CPNE4: variants seen among roughly 807,000 people sequenced by gnomAD.
CPNE4 encodes the protein copine 4, also known as copine-4.
CPNE4 carries 25 observed loss-of-function variants against 67.9 expected under a neutral mutation model. That is an observed-to-expected ratio of 0.37 (90% CI 0.27 to 0.51). CPNE4 has a LOEUF of 0.51. Ranked by LOEUF, CPNE4 falls within the 20% of genes least tolerant of loss-of-function variation. The pLI is 0.93. For missense variants in CPNE4, 464 were observed against 690.8 expected (o/e 0.67, Z 3.68); for synonymous variants, 242 against 244.9 (o/e 0.99, Z 0.11).
chr3:131,547,249 G>T (rs1466174545), intron 14 of CPNE4, among the ~76,000 whole-genome samples: 1 of 151,852 alleles, frequency 6.6e-6, no homozygotes, highest in East Asian at 1.9e-4. Flanking sequence ...GAGCCCAGGA[G>T]TTTGAGACCA....
chr3:131,603,451 T>A (rs1939321801), intron 7 of CPNE4, among the ~76,000 whole-genome samples: 1 of 152,202 alleles, frequency 6.6e-6, no homozygotes. Context: ...ATGGATTTTT[T>A]ATGCAAGAAT....
intron 2 of CPNE4, among the ~76,000 whole-genome samples, chr3:131,806,790 C>T (rs934820193): frequency 3.9e-5 from 6 of 152,090 alleles, no homozygotes; most frequent in African/African-American, 1.2e-4. Context: ...CTCTGGAGAA[C>T]GAGGTGGTAG....
At chr3:131,840,434 C>T (rs2085730809) in intron 2 of CPNE4, among the ~76,000 whole-genome samples, 1 of 152,148 alleles carries the variant, frequency 6.6e-6, no homozygotes, top group African/African-American at 2.4e-5. Context: ...TTTAATTCTA[C>T]AGTTTGATTT....
At chr3:132,027,850 T>G (rs2074148881) in intron 1 of CPNE4, among the ~76,000 whole-genome samples, 1 of 152,170 alleles carries the variant, frequency 6.6e-6, no homozygotes, top group Non-Finnish European at 1.5e-5. Context: ...AGTATTGTTT[T>G]GGGCCATTCT....
chr3:132,012,641 G>A (rs1388183698), intron 1 of CPNE4, among the ~76,000 whole-genome samples: 2 of 152,096 alleles, frequency 1.3e-5, no homozygotes, highest in East Asian at 3.9e-4. Flanking sequence ...AGGTAAGATG[G>A]CAATGGTGGG....
rs372280366 is a variant in CPNE4, at chr3:131,592,899, T to C, written c.682-5317A>G. ...TCCCTGGGGTCTTCAGCTCTGTCTG[T>C]AGAATGCATGGATAAGTGGGTCTGA... is the stretch of plus-strand genomic sequence containing the variant. On this transcript the variant is annotated intron_variant, in intron 7 of 15. Transcript: ENST00000429747. Among the ~76,000 whole-genome samples, 11 of 152,324 alleles carry C rather than the reference T, an allele frequency of 7.2e-5. No individual in the cohort carries two copies. The East Asian group carries it at 1.2e-3, about 16-fold the overall frequency.
chr3:131,636,965 G>A lies in CPNE4; in HGVS notation c.681+32710C>T, dbSNP rs558118073. Reference sequence around the variant, plus strand: ...ACAATCACTACAGTTCAGCTCTCAGGAAGCTCCATTCCTAGGGGAAAAGGG... The same window carrying A: ...ACAATCACTACAGTTCAGCTCTCAGAAAGCTCCATTCCTAGGGGAAAAGGG... On this transcript the variant is annotated intron_variant, in intron 7 of 15. Coordinates refer to ENST00000429747, the MANE Select transcript of CPNE4 (RefSeq NM_130808.3). Among the ~76,000 whole-genome samples the A allele has an allele frequency of 3.3e-5, 5 of 152,316 alleles. No individual in the cohort carries two copies. The South Asian group carries it at 8.3e-4, about 25-fold the overall frequency.
intron 2 of CPNE4, among the ~76,000 whole-genome samples, chr3:131,840,184 A>G (rs530793483): frequency 5.0e-4 from 76 of 152,302 alleles, no homozygotes; most frequent in African/African-American, 1.6e-3. Flanking sequence ...CTCCAAGTTC[A>G]GCTGATTTTC....
intron 1 of CPNE4, among the ~76,000 whole-genome samples, chr3:132,023,677 C>G (rs2074053412): frequency 6.6e-6 from 1 of 151,904 alleles, no homozygotes; most frequent in Non-Finnish European, 1.5e-5. Context: ...TTAGTAGAGA[C>G]GGGGTTTCAC....
chr3:131,678,199 G>A (rs2080637914), intron 6 of CPNE4, among the ~76,000 whole-genome samples: 1 of 151,876 alleles, frequency 6.6e-6, no homozygotes, highest in Non-Finnish European at 1.5e-5. Flanking sequence ...AGTAGCAATT[G>A]TGAATGGGAG....
chr3:131,627,505 A>C (rs1410152942), intron 7 of CPNE4, among the ~76,000 whole-genome samples: 1 of 142,318 alleles, frequency 7.0e-6, no homozygotes, highest in African/African-American at 3.0e-5. Context: ...TCAAGGTGTA[A>C]TTTTGACTTT....
intron 15 of CPNE4, 85 bp from the exon 16 acceptor site, chr3:131,535,414 C>G: frequency 7.2e-7 from 1 of 1,380,670 alleles, no homozygotes; most frequent in Non-Finnish European, 9.7e-7. Context: ...CTGCTCTGGG[C>G]AGCTAAGTTT....
intron 3 of CPNE4, among the ~76,000 whole-genome samples, chr3:131,710,353 A>G (rs559258926): frequency 1.3e-5 from 2 of 152,246 alleles, no homozygotes; most frequent in East Asian, 1.9e-4. Context: ...TTGCAGATAG[A>G]TGTTACAGGT....
intron 10 of CPNE4, among the ~76,000 whole-genome samples, chr3:131,567,646 A>C (rs1937126881): frequency 6.6e-6 from 1 of 151,924 alleles, no homozygotes; most frequent in African/African-American, 2.4e-5. Context: ...TAATTTTCTT[A>C]TGCTTAACTA....
intron 15 of CPNE4, 112 bp downstream of exon 15, chr3:131,542,445 G>T: frequency 3.8e-6 from 3 of 784,180 alleles, no homozygotes; most frequent in Non-Finnish European, 6.7e-6. Flanking sequence ...AGCATAGCTG[G>T]TGTTGCTTCA....
At chr3:131,785,904 G>A (rs903667652) in intron 2 of CPNE4, among the ~76,000 whole-genome samples, 5 of 152,160 alleles carry the variant, frequency 3.3e-5, no homozygotes, top group South Asian at 2.1e-4. Context: ...GGGCCTTTGC[G>A]TATTCAGATA....
intron 2 of CPNE4, among the ~76,000 whole-genome samples, chr3:131,777,642 C>T (rs1486242108): frequency 2.0e-5 from 3 of 151,972 alleles, no homozygotes; most frequent in Non-Finnish European, 2.9e-5. Flanking sequence ...TCAATAGCAG[C>T]CATAGAGACT....
In CPNE4 at chr3:132,020,756, A is replaced by G. The variant is rs918920417; in HGVS notation, c.-2+13811T>C. ...TGATTTTCACCTATGATTTTGGTAC[A>G]TGAGTGAAGGCACTCACAGCAGGTC... On this transcript the variant is annotated intron_variant, in intron 1 of 15. Transcript: ENST00000429747. 3.9e-5 allele frequency among the ~76,000 whole-genome samples: 6 copies of G among 152,320 alleles called. No individual in the cohort carries two copies. In the South Asian group the frequency reaches 1.2e-3, roughly 32 times the overall value.
intron 9 of CPNE4, among the ~76,000 whole-genome samples, chr3:131,577,304 C>T (rs1028260360): frequency 2.6e-5 from 4 of 152,054 alleles, no homozygotes; most frequent in African/African-American, 9.7e-5. Flanking sequence ...CACATACACA[C>T]ACGTATACAT....
Sources: allele counts gnomAD v4.1 joint callset (sites outside exome capture counted in the v4.1 genomes callset), GRCh38; gene constraint gnomAD v4.1.1; transcripts MANE v1.5; gene names NCBI Gene and HGNC (gene_info 2026-07-23, HGNC 2026-07-21).